Variants in KALRN observed in about 807,000 individuals in gnomAD.
KALRN encodes kalirin RhoGEF kinase.
In KALRN, 70 loss-of-function variants were observed where a neutral mutation model predicts 353.7. The ratio of observed to expected loss-of-function variants is 0.20; its 90% CI spans 0.16 to 0.24. The LOEUF (loss-of-function observed/expected upper bound fraction) is 0.24. Ranked by LOEUF, KALRN falls within the 10% of genes least tolerant of loss-of-function variation. KALRN has a pLI of 1.00. For synonymous variants in KALRN, 1,391 were observed against 1,434.8 expected, an observed-to-expected ratio of 0.97 and a Z score of 0.69; for missense variants, 2,791 against 3,756.7, an observed-to-expected ratio of 0.74 and a Z score of 6.72.
At chr3:124,556,137 T>C (rs2071214342) in intron 33 of KALRN, among the ~76,000 whole-genome samples, 1 of 152,142 alleles carries the variant, frequency 6.6e-6, no homozygotes, top group South Asian at 2.1e-4. Context: ...TTCCCACTAT[T>C]AATTACTATG....
chr3:124,718,898 T>A, intron 59 of KALRN, 27 bp from the exon 60 acceptor site: 1 of 1,606,840 alleles, frequency 6.2e-7, no homozygotes, highest in Non-Finnish European at 8.5e-7. Flanking sequence ...TCCCTTCTTT[T>A]CTCCCTGCTT....
chr3:124,147,438 A>G (rs546872984), intron 1 of KALRN, among the ~76,000 whole-genome samples: 1 of 152,312 alleles, frequency 6.6e-6, no homozygotes, highest in Non-Finnish European at 1.5e-5. Context: ...GAAGTATTTG[A>G]GTAGGTGGAC....
At chr3:124,224,847 C>T (rs2078303930) in intron 1 of KALRN, among the ~76,000 whole-genome samples, 1 of 152,142 alleles carries the variant, frequency 6.6e-6, no homozygotes, top group African/African-American at 2.4e-5. Flanking sequence ...TAGAAAGTCT[C>T]AGAGTATTAG....
intron 1 of KALRN, among the ~76,000 whole-genome samples, chr3:124,115,471 C>T (rs1002115828): frequency 3.9e-5 from 6 of 152,152 alleles, no homozygotes; most frequent in African/African-American, 1.4e-4. Context: ...TTACCCACTT[C>T]TCTGTTTTGG....
At chr3:124,584,633 GC>G in intron 34 of KALRN, 1 of 1,409,416 alleles carries the variant, frequency 7.1e-7, no homozygotes, top group East Asian at 2.7e-5. Flanking sequence ...TCCCCGCCTG[GC>G]CCCTCCCCGC....
chr3:124,658,762 C>A (rs1266304482), intron 42 of KALRN, among the ~76,000 whole-genome samples: 1 of 152,184 alleles, frequency 6.6e-6, no homozygotes, highest in East Asian at 1.9e-4. Context: ...CCCCCATTTG[C>A]AGAATAAGCC....
At chr3:124,235,140 G>A (rs1284368341) in intron 3 of KALRN, among the ~76,000 whole-genome samples, 197 bp downstream of exon 3, 1 of 152,164 alleles carries the variant, frequency 6.6e-6, no homozygotes, top group East Asian at 1.9e-4. Flanking sequence ...GAATGGGGTG[G>A]GAGCTGGAAG....
intron 34 of KALRN, among the ~76,000 whole-genome samples, chr3:124,577,695 T>C (rs1358002939): frequency 2.0e-5 from 3 of 152,142 alleles, no homozygotes; most frequent in Non-Finnish European, 4.4e-5. Flanking sequence ...AAGACCAGCC[T>C]GGGCAATGTA....
intron 19 of KALRN, among the ~76,000 whole-genome samples, chr3:124,445,309 A>G (rs543122): frequency 0.61 from 92,870 of 152,088 alleles, 29,135 homozygotes; most frequent in East Asian, 0.96. Flanking sequence ...TATCTAATAT[A>G]GCAACAGGAA....
rs533549465 is a variant in KALRN at position 124,414,522 on chromosome 3, G to A, written c.2542+857G>A. On this transcript the variant is annotated intron_variant, in intron 14 of 59. Coordinates refer to ENST00000682506, the MANE Select transcript of KALRN (RefSeq NM_001388419.1). ...ATTTTATAACTTCTCAGAAAAACAC[G>A]GCTGAGTTACTCAGATTTAACTTCT... 2.6e-5 allele frequency among the ~76,000 whole-genome samples: 4 copies of A among 152,230 alleles called. No homozygotes were observed. The East Asian group carries it at 5.8e-4, about 22-fold the overall frequency.
chr3:124,475,071 A>G (rs936563053), intron 26 of KALRN, among the ~76,000 whole-genome samples: 16 of 152,224 alleles, frequency 1.1e-4, no homozygotes. Context: ...CCATTTAAAA[A>G]AAATTTTTTA....
chr3:124,096,445 T>G (rs1419898267), intron 1 of KALRN: 8 of 152,184 alleles, frequency 5.3e-5, no homozygotes, highest in Non-Finnish European at 1.2e-4. Flanking sequence ...CTAAGAAAAG[T>G]CCAATTAAGA....
intron 1 of KALRN, among the ~76,000 whole-genome samples, chr3:124,041,903 G>A (rs1559859018): frequency 6.6e-6 from 1 of 152,204 alleles, no homozygotes; most frequent in African/African-American, 2.4e-5. Flanking sequence ...ATTCAGGGAG[G>A]TAAAGAAGAA....
At chr3:124,601,052 T>C (rs1012258115) in intron 34 of KALRN, among the ~76,000 whole-genome samples, 1 of 152,168 alleles carries the variant, frequency 6.6e-6, no homozygotes, top group African/African-American at 2.4e-5. Context: ...GAGCCAAGCA[T>C]GGGTTAGGAG....
Position 124,296,628 on chromosome 3 carries a change from C to T in KALRN, c.970-2163C>T, listed in dbSNP as rs115641299. Among the ~76,000 whole-genome samples the T allele has an allele frequency of 9.3e-4, 142 of 152,338 alleles. 1 individual carries two copies. The highest frequency in any genetic ancestry group is 3.4e-3 in the Middle Eastern group (1 of 294). On this transcript the variant is annotated intron_variant, in intron 5 of 59. Transcript: ENST00000682506. The stretch of plus-strand genomic sequence containing the variant: ...AAACCTCCCACCAGCACCTGGCAGC[C>T]GACAATGTGTGGTCCAGGTTCCCTG...
chr3:124,392,788 TA>T (rs1395083114), intron 11 of KALRN, among the ~76,000 whole-genome samples: 15 of 144,844 alleles, frequency 1.0e-4, no homozygotes, highest in African/African-American at 3.2e-4. Context: ...TATTTTTTTT[TA>T]TTTTTTTTTT....
intron 15 of KALRN, among the ~76,000 whole-genome samples, chr3:124,423,345 G>T (rs570293339): frequency 2.0e-5 from 3 of 152,314 alleles, no homozygotes; most frequent in African/African-American, 7.2e-5. Context: ...GTAGAGTCAG[G>T]TTAATTAATT....
intron 1 of KALRN, among the ~76,000 whole-genome samples, chr3:124,193,285 A>G (rs2075118582): frequency 6.6e-6 from 1 of 151,494 alleles, no homozygotes; most frequent in South Asian, 2.1e-4. Context: ...AGCCTCTCTC[A>G]CTCCCACATT....
At chr3:124,216,822 G>A (rs1453065459) in intron 1 of KALRN, among the ~76,000 whole-genome samples, 1 of 152,172 alleles carries the variant, frequency 6.6e-6, no homozygotes, top group Non-Finnish European at 1.5e-5. Context: ...GTCCACAGGG[G>A]AAGCTTTGTT....
Sources: gnomAD v4.1 joint callset for allele counts (sites outside exome capture counted in the v4.1 genomes callset) on GRCh38, gnomAD v4.1.1 for gene constraint, MANE v1.5 for transcripts, NCBI Gene and HGNC (gene_info 2026-07-23, HGNC 2026-07-21) for gene names.